DIAPH3: variants seen among roughly 807,000 people sequenced by gnomAD.
The protein encoded by DIAPH3 is diaphanous related formin 3.
A neutral mutation model predicts 144.3 loss-of-function variants in DIAPH3; 117 were observed. That is an observed-to-expected ratio of 0.81 (90% CI 0.70 to 0.95). The LOEUF is 0.95. Among genes scored for constraint, DIAPH3 ranks in the 40% least tolerant of loss-of-function variants. The pLI is 0.00. For synonymous variants in DIAPH3, 519 were observed against 488.9 expected (o/e 1.06, Z -0.81); for missense variants, 1,421 against 1,412.7 (o/e 1.01, Z -0.09).
At chr13:59,702,020 T>A (rs1334574530) in intron 27 of DIAPH3, among the ~76,000 whole-genome samples, 1 of 152,250 alleles carries the variant, frequency 6.6e-6, no homozygotes, top group East Asian at 1.9e-4. Context: ...TCCTTAAACT[T>A]CTCAACCTTT....
At chr13:59,714,232 C>T (rs995275056) in intron 27 of DIAPH3, among the ~76,000 whole-genome samples, 6 of 149,656 alleles carry the variant, frequency 4.0e-5, no homozygotes, top group East Asian at 3.9e-4. Context: ...TAGTGGCGGG[C>T]GCCTGTAGTC....
chr13:59,720,553 T>C (rs1202650970), intron 27 of DIAPH3, among the ~76,000 whole-genome samples: 2 of 152,140 alleles, frequency 1.3e-5, no homozygotes, highest in Admixed American at 1.3e-4. Context: ...CAGGAAACAT[T>C]GTGATCACCT....
At chr13:59,838,019 T>C (rs2042131079) in intron 23 of DIAPH3, 2 of 152,112 alleles carry the variant, frequency 1.3e-5, no homozygotes, top group Non-Finnish European at 2.9e-5. Context: ...ATTAATTTTG[T>C]GATTCACTAA....
chr13:59,905,342 CAAAAAAA>C (rs59114311), intron 20 of DIAPH3, among the ~76,000 whole-genome samples: 3 of 69,760 alleles, frequency 4.3e-5, no homozygotes, highest in Admixed American at 1.9e-4. Context: ...GACTCTGTCT[CAAAAAAA>C]AAAAAAAAAA....
Position 60,112,053 on chromosome 13 carries a change from G to A in DIAPH3, c.347C>T (p.Pro116Leu). The stretch of plus-strand genomic sequence containing the variant: ...TTCTAAGAGTTCATTCTCTGACAGT[G>A]GCTTTGGAAAGTTCTCCATCATCTC... ...PLEMMENFPK[P>L]LSENELLELF... The change falls in exon 3 of 28, where the codon CCA becomes CTA. Residue 116 changes from proline (P) to leucine (L), a missense_variant. Physicochemically the swap from Pro to Leu is moderately conservative, Grantham distance 98. Coordinates refer to ENST00000400324, the MANE Select transcript of DIAPH3 (RefSeq NM_001042517.2). 1 of 1,614,046 alleles carries A rather than the reference G, an allele frequency of 6.2e-7. No homozygotes were observed.
chr13:59,826,163 G>A (rs1437467992), intron 24 of DIAPH3, among the ~76,000 whole-genome samples: 1 of 151,534 alleles, frequency 6.6e-6, no homozygotes, highest in Non-Finnish European at 1.5e-5. Context: ...TCAACATAGT[G>A]TTGGAAGTTC....
chr13:60,068,621 A>C (rs2057069789), intron 4 of DIAPH3, among the ~76,000 whole-genome samples: 1 of 152,088 alleles, frequency 6.6e-6, no homozygotes, highest in Non-Finnish European at 1.5e-5. Context: ...ATACTACCTG[A>C]TAGTCTTTCA....
intron 17 of DIAPH3, among the ~76,000 whole-genome samples, chr13:59,950,087 T>C (rs146242212): frequency 2.0e-5 from 3 of 152,226 alleles, no homozygotes; most frequent in East Asian, 1.9e-4. Context: ...TGCTAAAACA[T>C]AGATTATAAT....
rs2038338153 is a variant in DIAPH3 at position 59,775,188 on chromosome 13, G to A, written c.3164-365C>T. On this transcript the variant is annotated intron_variant, in intron 25 of 27. Transcript: ENST00000400324. Reference sequence around the variant, plus strand: ...TTTGTAGAGATGAGCTATTTTCAAGGCATCATCTTCTATTCTAAAGTCAAC... The same window carrying A: ...TTTGTAGAGATGAGCTATTTTCAAGACATCATCTTCTATTCTAAAGTCAAC... Among the ~76,000 whole-genome samples, 3 of 152,120 alleles carry A rather than the reference G, an allele frequency of 2.0e-5. No homozygotes were observed. The South Asian group carries it at 6.2e-4, about 31-fold the overall frequency.
At chr13:60,048,971 A>G (rs117733595) in intron 4 of DIAPH3, among the ~76,000 whole-genome samples, 2,405 of 152,344 alleles carry the variant, frequency 0.016, 65 homozygotes, top group East Asian at 0.1. Context: ...AAAAAATGAA[A>G]AAAATCTACG....
chr13:59,996,151 A>G (rs1420106512), intron 9 of DIAPH3, among the ~76,000 whole-genome samples: 3 of 152,150 alleles, frequency 2.0e-5, no homozygotes, highest in South Asian at 2.1e-4. Flanking sequence ...TGACTTGACA[A>G]GAATAGTTTC....
chr13:60,049,137 T>C (rs1456564271), intron 4 of DIAPH3, among the ~76,000 whole-genome samples: 1 of 152,194 alleles, frequency 6.6e-6, no homozygotes, highest in Admixed American at 6.5e-5. Flanking sequence ...CAAAAAATTA[T>C]GCTAGGTTGA....
At chr13:59,928,254 C>T (rs996699271) in intron 17 of DIAPH3, among the ~76,000 whole-genome samples, 1 of 151,940 alleles carries the variant, frequency 6.6e-6, no homozygotes, top group African/African-American at 2.4e-5. Flanking sequence ...ATATCTATCT[C>T]TTTGTTGAAT....
intron 8 of DIAPH3, 101 bp downstream of exon 8, chr13:60,010,432 A>T (rs2053164040): frequency 8.1e-7 from 1 of 1,228,804 alleles, no homozygotes; most frequent in Non-Finnish European, 1.1e-6. Context: ...CATTTATTTA[A>T]ATTCTAGTAA....
intron 22 of DIAPH3, among the ~76,000 whole-genome samples, chr13:59,841,339 C>T (rs574724591): frequency 1.2e-3 from 175 of 152,126 alleles, no homozygotes; most frequent in African/African-American, 4.1e-3. Flanking sequence ...ATCTGTAATC[C>T]TAGCACTTTA....
rs576835750 is a variant in DIAPH3, at chr13:59,861,907, T to C, written c.2608-371A>G. Among the ~76,000 whole-genome samples the C allele has an allele frequency of 7.2e-5, 11 of 152,306 alleles. No homozygotes were observed. In the South Asian group the frequency reaches 2.1e-3, roughly 29 times the overall value. On this transcript the variant is annotated intron_variant, in intron 21 of 27. Coordinates refer to ENST00000400324, the MANE Select transcript of DIAPH3 (RefSeq NM_001042517.2). ...TCCATAGAATGCCTACTAGCTACTG[T>C]AGTAGTTGGAGACCTAACAACAAAT...
intron 4 of DIAPH3, among the ~76,000 whole-genome samples, chr13:60,052,069 T>C (rs1429569133): frequency 1.3e-5 from 2 of 152,068 alleles, no homozygotes; most frequent in Non-Finnish European, 2.9e-5. Flanking sequence ...GAGGGGGCAA[T>C]TTAGTTTAAC....
At chr13:59,709,949 C>T (rs995970357) in intron 27 of DIAPH3, among the ~76,000 whole-genome samples, 27 of 151,982 alleles carry the variant, frequency 1.8e-4, no homozygotes, top group African/African-American at 5.6e-4. Flanking sequence ...TTTGTAGGGA[C>T]ATGGATGAAA....
intron 14 of DIAPH3, among the ~76,000 whole-genome samples, chr13:59,977,027 G>A (rs551755182): frequency 4.4e-4 from 67 of 151,726 alleles, no homozygotes; most frequent in Non-Finnish European, 9.1e-4. Flanking sequence ...GAACCCTGTA[G>A]GATCTGGCCC....
Sources: gnomAD v4.1 joint callset for allele counts (sites outside exome capture counted in the v4.1 genomes callset) on GRCh38, gnomAD v4.1.1 for gene constraint, MANE v1.5 for transcripts, NCBI Gene and HGNC (gene_info 2026-07-23, HGNC 2026-07-21) for gene names.